The following TNK2 variants were observed in gnomAD, a reference collection of about 807,000 sequenced individuals.
TNK2 encodes the protein activated CDC42 kinase 1.
In TNK2, 83 loss-of-function variants were observed where a neutral mutation model predicts 101.8. The ratio of observed to expected loss-of-function variants is 0.82; its 90% CI spans 0.68 to 0.98. The LOEUF (loss-of-function observed/expected upper bound fraction) is 0.98, where lower values mean the gene tolerates loss of function less well. TNK2 is among the 50% of genes least tolerant of loss of function. The pLI is 0.00. For synonymous variants in TNK2, 804 were observed against 633.0 expected, an observed-to-expected ratio of 1.27 and a Z score of -4.06; for missense variants, 1,665 against 1,483.2, an observed-to-expected ratio of 1.12 and a Z score of -2.01.
intron 10 of TNK2, among the ~76,000 whole-genome samples, chr3:195,870,973 G>GGGGTTCTGGTGTGTGGGGGCCCACTGTGT (rs1744804610): frequency 1.2e-4 from 16 of 129,296 alleles, no homozygotes; most frequent in Non-Finnish European, 2.1e-4. Flanking sequence ...CTCGCTGTGT[G>GGGGTTCTGGTGTGTGGGGGCCCACTGTGT]GGGTTCTGGT....
chr3:195,902,811 G>A (rs1239623334), intron 1 of TNK2, among the ~76,000 whole-genome samples: 2 of 151,718 alleles, frequency 1.3e-5, no homozygotes, highest in African/African-American at 2.4e-5. Context: ...GTGCAGTGGC[G>A]CAATCTCGGC....
intron 6 of TNK2, among the ~76,000 whole-genome samples, chr3:195,881,691 C>A (rs1753133338): frequency 1.5e-5 from 2 of 133,776 alleles, no homozygotes; most frequent in African/African-American, 2.8e-5. Flanking sequence ...CTATAACACC[C>A]CCCCGCCAGC....
In TNK2 at chr3:195,867,611, C is replaced by A. The variant is rs1430064841; in HGVS notation, c.2687G>T (p.Ser896Ile). The change falls in exon 13 of 16, where the codon AGC becomes ATC. Residue 896 changes from serine (S) to isoleucine (I), a missense_variant. Physicochemically the swap from Ser to Ile is moderately radical, Grantham distance 142 (BLOSUM62 -2). This residue lies in a region of TNK2 where 1,136 missense variants were observed against 894.9 expected (regional missense o/e 1.27). Coordinates refer to ENST00000672887, the MANE Select transcript of TNK2 (RefSeq NM_001382273.1). ...RYQRFLREAQSPEEPTPLPVP... is the reference protein window; with the variant it reads ...RYQRFLREAQIPEEPTPLPVP... Reference sequence around the variant, plus strand: ...AGGCAGGGGGGTAGGCTCCTCGGGGCTCTGGGCCTCACGCAGGAAGCGCTG... The same window carrying A: ...AGGCAGGGGGGTAGGCTCCTCGGGGATCTGGGCCTCACGCAGGAAGCGCTG... 1 of 1,597,534 alleles carries A rather than the reference C, an allele frequency of 6.3e-7. No individual in the cohort carries two copies. The highest frequency in any genetic ancestry group is 1.1e-5 in the South Asian group (1 of 90,856).
At chr3:195,880,164 T>C (rs1256384114) in intron 6 of TNK2, among the ~76,000 whole-genome samples, 1 of 152,042 alleles carries the variant, frequency 6.6e-6, no homozygotes, top group East Asian at 1.9e-4. Context: ...CACAATGGTC[T>C]CAGCAGAGGA....
chr3:195,864,386 C>T (rs1739124798), intron 15 of TNK2, among the ~76,000 whole-genome samples, 199 bp from the exon 16 acceptor site: 2 of 151,982 alleles, frequency 1.3e-5, no homozygotes, highest in African/African-American at 2.4e-5. Context: ...AGCACTCCTG[C>T]GTATTAGAGA....
Position 195,886,994 on chromosome 3 carries a change from TG to T in TNK2, c.216del (p.Lys73SerfsTer4), listed in dbSNP as rs755483890. The T allele has an allele frequency of 3.1e-6, 5 of 1,613,972 alleles. No homozygotes were observed. In the African/African-American group the frequency reaches 6.7e-5, roughly 22 times the overall value. ...TCACCCACCTTACTCATCCACGACT[TG>T]CGTTTGCACAAGGCCTTCCTCCTCT... The part of the protein sequence containing the change: ...AVKRRKALCK[R>X]KSWMSKVFSG... On this transcript the variant is annotated frameshift_variant, in exon 3 of 16. Transcript: ENST00000672887. LOFTEE classifies it high-confidence loss of function. The surrounding 1 kb of genome is among the most constrained non-coding windows in gnomAD (Gnocchi z 4.2).
intron 4 of TNK2, chr3:195,883,511 G>A: frequency 1.8e-6 from 1 of 568,976 alleles, no homozygotes; most frequent in Non-Finnish European, 3.1e-6. Context: ...GCCCTCAGGA[G>A]CCATCGTCGG....
At chr3:195,872,730 G>A (rs1746303426) in intron 9 of TNK2, 1 of 474,584 alleles carries the variant, frequency 2.1e-6, no homozygotes, top group Non-Finnish European at 3.7e-6. Context: ...AAGGAGGCAC[G>A]CTGGAAGCTG....
rs78025742 is a variant in TNK2, at chr3:195,881,506, G to A, written c.887+545C>T. ...ACACCCCCCCCAGCAACGCCCCTTG[G>A]AGAGGACACGGCATCTATCCCTGTA... On this transcript the variant is annotated intron_variant, in intron 6 of 15. Coordinates refer to ENST00000672887, the MANE Select transcript of TNK2 (RefSeq NM_001382273.1). Among the ~76,000 whole-genome samples, 581 of 101,338 alleles carry A rather than the reference G, an allele frequency of 5.7e-3. 44 individuals carry two copies. The East Asian group carries it at 0.1, about 18-fold the overall frequency. 66.5% of individuals were successfully genotyped at this position (101,338 alleles called of 152,430 possible). A position where few individuals can be genotyped will look rare whatever the true frequency, so the allele number is the denominator to read the frequency against.
chr3:195,871,969 T>TGGAGAACCCTCCCCTGGAGAACCCTCCCC lies in TNK2; in HGVS notation c.1451+278_1451+306dup, dbSNP rs1745698670. On this transcript the variant is annotated intron_variant, in intron 10 of 15. Transcript: ENST00000672887. ...AACATTCCCCTGGAGAACCCTCCCC[T>TGGAGAACCCTCCCCTGGAGAACCCTCCCC]GGAGAACCCTCCCCTGGAGAACCCT... is the stretch of plus-strand genomic sequence containing the variant. Among the ~76,000 whole-genome samples the TGGAGAACCCTCCCCTGGAGAACCCTCCCC allele has an allele frequency of 1.5e-4, 19 of 123,512 alleles. 1 individual carries two copies. The highest frequency in any genetic ancestry group is 5.8e-4 in the African/African-American group (17 of 29,314). The allele number at this position is 123,512 out of a possible 152,430, so 81.0% of individuals were successfully genotyped here. A position where few individuals can be genotyped will look rare whatever the true frequency, so the allele number is the denominator to read the frequency against.
chr3:195,881,693 C>T (rs1560513681), intron 6 of TNK2, among the ~76,000 whole-genome samples: 1 of 133,056 alleles, frequency 7.5e-6, no homozygotes, highest in African/African-American at 2.8e-5. Context: ...ATAACACCCC[C>T]CCGCCAGCAA....
rs776575936 is a variant in TNK2 at position 195,882,442 on chromosome 3, C to T, written c.610-114G>A. ...AGGCTTTCCAGAGCCAGGCTGCACG[C>T]ACCTTCCTGGCCTGCTGTCTGGGGA... On this transcript the variant is annotated intron_variant, in intron 5 of 15. Transcript: ENST00000672887. The surrounding 1 kb of genome is among the most constrained non-coding windows in gnomAD (Gnocchi z 4.2). 2.6e-6 allele frequency: 4 copies of T among 1,557,678 alleles called. No individual in the cohort carries two copies. The highest frequency in any genetic ancestry group is 3.5e-6 in the Non-Finnish European group (4 of 1,151,772).
intron 9 of TNK2, among the ~76,000 whole-genome samples, chr3:195,877,867 C>T (rs1012433222): frequency 4.6e-5 from 7 of 152,046 alleles, no homozygotes; most frequent in Admixed American, 1.3e-4. Flanking sequence ...GCTACTGAAA[C>T]GCACCCAGGT....
intron 1 of TNK2, among the ~76,000 whole-genome samples, chr3:195,897,821 C>A: frequency 1.4e-4 from 1 of 6,900 alleles, no homozygotes; most frequent in Non-Finnish European, 2.6e-4. Context: ...CCCCCCCACC[C>A]CCCCCCCACC....
rs1300731153 is a variant in TNK2 at position 195,867,460 on chromosome 3, C to T, written c.2838G>A (p.Gly946=). Residue 946 remains glycine (G), a synonymous_variant, in exon 13 of 16, where the codon GGG becomes GGA. Transcript: ENST00000672887. Reference sequence around the variant, plus strand: ...TGGCCCTCGGGGGTGGTGGCCGGGCCCCTGGGTTGCTGTTGTTGGTGGAGA... The same window carrying T: ...TGGCCCTCGGGGGTGGTGGCCGGGCTCCTGGGTTGCTGTTGTTGGTGGAGA... ...ANFSTNNSNP[G]ARPPPPRATA... 6.3e-7 allele frequency: 1 copy of T among 1,587,302 alleles called. No homozygotes were observed. The highest frequency in any genetic ancestry group is 2.2e-5 in the East Asian group (1 of 44,610).
chr3:195,891,875 G>C (rs573318213), intron 1 of TNK2: 1 of 975,498 alleles, frequency 1.0e-6, no homozygotes, highest in South Asian at 4.7e-5. Flanking sequence ...AGCACAGCCC[G>C]GCCTGTTCCC....
Position 195,870,125 on chromosome 3 carries a change from C to T in TNK2, c.1532G>A (p.Gly511Glu). The T allele has an allele frequency of 2.7e-6, 4 of 1,467,056 alleles. No homozygotes were observed. The South Asian group carries it at 4.3e-5, about 16-fold the overall frequency. 90.9% of individuals were successfully genotyped at this position (1,467,056 alleles called of 1,614,324 possible). ...AGAGGGGCTCTTACTTTTCACCCCTCCTAGATGCTGGGGGGGCCGGGAGGT... is the reference window on the plus strand; with the variant it reads ...AGAGGGGCTCTTACTTTTCACCCCTTCTAGATGCTGGGGGGGCCGGGAGGT... Reference protein sequence around the residue: ...LSTSRPPQHLGGVKREPPPRP... With the variant: ...LSTSRPPQHLEGVKREPPPRP... Residue 511 changes from glycine (G) to glutamate (E), a missense_variant, in exon 11 of 16, where the codon GGA becomes GAA. This residue lies in a region of TNK2 where 1,136 missense variants were observed against 894.9 expected (regional missense o/e 1.27). Transcript: ENST00000672887.
chr3:195,870,316 A>C, intron 10 of TNK2, 111 bp from the exon 11 acceptor site: 4 of 1,542,768 alleles, frequency 2.6e-6, no homozygotes, highest in Non-Finnish European at 3.5e-6. Context: ...CTTGGGTCTG[A>C]AGCACAGGCC....
chr3:195,897,034 A>C (rs34468408), intron 1 of TNK2, among the ~76,000 whole-genome samples: 2,952 of 151,828 alleles, frequency 0.019, 54 homozygotes, highest in Non-Finnish European at 0.028. Context: ...ACCTCCACCT[A>C]CCTCTTCTCC....
Sources: gnomAD v4.1 joint callset for allele counts (sites outside exome capture counted in the v4.1 genomes callset) on GRCh38, gnomAD v4.1.1 for gene constraint, gnomAD v4.1.1 regional missense constraint, Gnocchi (gnomAD v3.1) non-coding constraint, MANE v1.5 for transcripts, NCBI Gene and HGNC (gene_info 2026-07-23, HGNC 2026-07-21) for gene names.